MEF2B: variants seen among roughly 807,000 people sequenced by gnomAD.
MEF2B encodes the protein myocyte enhancer factor 2B, also known as myocyte-specific enhancer factor 2B.
MEF2B carries 15 observed loss-of-function variants against 32.2 expected under a neutral mutation model. The ratio of observed to expected loss-of-function variants is 0.47; its 90% confidence interval spans 0.31 to 0.72. MEF2B has a LOEUF of 0.72. Among genes scored for constraint, MEF2B ranks in the 30% least tolerant of loss-of-function variants. The probability of loss-of-function intolerance (pLI) is 0.05; values close to 1 mark genes in which losing one functional copy is unlikely to be tolerated. For missense variants in MEF2B, 441 were observed against 511.5 expected, an observed-to-expected ratio of 0.86 and a Z score of 1.33; for synonymous variants, 205 against 225.6, an observed-to-expected ratio of 0.91 and a Z score of 0.82.
intron 1 of MEF2B, among the ~76,000 whole-genome samples, chr19:19,153,264 G>A (rs142417633): frequency 6.6e-6 from 1 of 152,240 alleles, no homozygotes; most frequent in East Asian, 1.9e-4. Flanking sequence ...TGTGATGGGG[G>A]AGAACTGGGA....
rs1309889788 is a variant in MEF2B, at chr19:19,147,163, G to T, written c.414C>A (p.Pro138=). 1 of 1,582,384 alleles carries T rather than the reference G, an allele frequency of 6.3e-7. No homozygotes were observed. The highest frequency in any genetic ancestry group is 2.3e-5 in the East Asian group (1 of 43,498). Residue 138 remains proline (P), a synonymous_variant, in exon 5 of 9, where the codon CCC becomes CCA. Transcript: ENST00000424583. ...PRLYPAAPAM[P]SPDVVYGALP... is the part of the protein sequence containing the mutation. ...AGGCCCCGTATACCACATCTGGGCT[G>T]GGCATAGCAGGAGCTGCAGGCTGTG... is the stretch of plus-strand genomic sequence containing the variant.
intron 1 of MEF2B, among the ~76,000 whole-genome samples, chr19:19,155,984 G>A (rs906685380): frequency 2.0e-5 from 3 of 152,160 alleles, no homozygotes; most frequent in African/African-American, 7.2e-5. Context: ...AGAAAGAACA[G>A]GAGAAGAAAC....
At chr19:19,147,596 T>C (rs2060038412) in intron 4 of MEF2B, 102 bp downstream of exon 4, 2 of 1,546,288 alleles carry the variant, frequency 1.3e-6, no homozygotes, top group African/African-American at 2.8e-5. Context: ...CTCCAAACTC[T>C]AGGATCCCTG....
rs2060033816 is a variant in MEF2B, at chr19:19,147,112, A to T, written c.465T>A (p.Ser155Arg). 6.2e-7 allele frequency: 1 copy of T among 1,607,872 alleles called. No individual in the cohort carries two copies. Among genetic ancestry groups the T allele is most frequent in the Non-Finnish European group, 8.5e-7 (1 of 1,178,122 alleles). The change falls in exon 5 of 9, where the codon AGT (serine) becomes AGA (arginine). Residue 155 changes from serine (S) to arginine (R), a missense_variant. This residue lies in a region of MEF2B where 326 missense variants were observed against 328.4 expected (regional missense o/e 0.99). Transcript: ENST00000424583. ...GALPPPGCDP[S>R]GLGEALPAQS... ...GGGCGGGCAGTGCTTCCCCAAGCCC[A>T]CTGGGGTCACAGCCTGGTGGCGGTA...
chr19:19,165,103 A>C (rs2060196423), intron 1 of MEF2B, among the ~76,000 whole-genome samples: 1 of 152,016 alleles, frequency 6.6e-6, no homozygotes, highest in South Asian at 2.1e-4. Context: ...TTCCCGCAGA[A>C]ATGTCTAGGA....
chr19:19,167,378 T>C lies in MEF2B; in HGVS notation c.-30+2827A>G, dbSNP rs545863107. ...AAAAAAAAAAAAAAAAAAAATTAGC[T>C]GGGTGTGCTGGTGTGAGCGCGTATT... On this transcript the variant is annotated intron_variant, in intron 1 of 8. Coordinates refer to ENST00000424583, the MANE Select transcript of MEF2B (RefSeq NM_001145785.2). Among the ~76,000 whole-genome samples the C allele has an allele frequency of 4.2e-4, 53 of 126,472 alleles. 2 individuals carry two copies. The South Asian group carries it at 0.012, about 29-fold the overall frequency. 83.0% of individuals were successfully genotyped at this position (126,472 alleles called of 152,430 possible). A position where few individuals can be genotyped will look rare whatever the true frequency, so the allele number is the denominator to read the frequency against.
At chr19:19,162,479 T>G (rs1005982) in intron 1 of MEF2B, among the ~76,000 whole-genome samples, 46,635 of 151,974 alleles carry the variant, frequency 0.31, 7,184 homozygotes, top group Admixed American at 0.36. Context: ...AGGGGTGAAA[T>G]GCAGGCTGGG....
At chr19:19,151,479 C>T (rs1286035061) in intron 1 of MEF2B, among the ~76,000 whole-genome samples, 1 of 152,060 alleles carries the variant, frequency 6.6e-6, no homozygotes, top group Non-Finnish European at 1.5e-5. Context: ...AGGCCTTCCC[C>T]AGAGACCCCC....
At chr19:19,158,374 TG>T (rs371627536) in intron 1 of MEF2B, among the ~76,000 whole-genome samples, 141,578 of 146,034 alleles carry the variant, frequency 0.97, 68,564 homozygotes, top group African/African-American at 0.99. Flanking sequence ...GGCGTGAGCA[TG>T]GGCGCCCCCG....
intron 3 of MEF2B, 45 bp from the exon 4 acceptor site, chr19:19,147,877 AC>A: frequency 6.3e-7 from 1 of 1,578,668 alleles, no homozygotes. Context: ...CCCCTACCCC[AC>A]CCAGGGAACC....
At chr19:19,149,060 A>C (rs1363956605) in intron 3 of MEF2B, among the ~76,000 whole-genome samples, 166 bp downstream of exon 3, 1 of 150,542 alleles carries the variant, frequency 6.6e-6, no homozygotes, top group Non-Finnish European at 1.5e-5. Context: ...CCACTCCCAA[A>C]TGTTTGGATG....
intron 2 of MEF2B, among the ~76,000 whole-genome samples, chr19:19,150,180 GAGGGAAGGA>G (rs2060063306): frequency 9.1e-6 from 1 of 110,282 alleles, no homozygotes; most frequent in African/African-American, 3.7e-5. Context: ...AGGAGGGAGG[GAGGGAAGGA>G]AGGAAGGAAG....
In MEF2B at chr19:19,146,305, A is replaced by G. The variant is rs1043619674; in HGVS notation, c.849T>C (p.Gly283=). The G allele has an allele frequency of 8.1e-6, 10 of 1,230,272 alleles. No individual in the cohort carries two copies. Among genetic ancestry groups the G allele is most frequent in the Non-Finnish European group, 1.0e-5 (10 of 978,362 alleles). The allele number at this position is 1,230,272 out of a possible 1,614,324, so 76.2% of individuals were successfully genotyped here. A position where few individuals can be genotyped will look rare whatever the true frequency, so the allele number is the denominator to read the frequency against. ...PTLAPWQPSR[G]DGPPAVSSQP... is the part of the protein sequence containing the mutation. ...GGGAGGACACGGCGGGGGGCCCATC[A>G]CCCCTCGAGGGCTGCCAGGGGGCCA... Residue 283 remains glycine (G), a synonymous_variant, in exon 8 of 9, where the codon GGT becomes GGC. Coordinates refer to ENST00000424583, the MANE Select transcript of MEF2B (RefSeq NM_001145785.2).
rs201968712 is a variant in MEF2B, at chr19:19,153,390, G to A, written c.-29-2626C>T. Among the ~76,000 whole-genome samples the A allele has an allele frequency of 5.3e-5, 8 of 152,180 alleles. No individual in the cohort carries two copies. In the East Asian group the frequency reaches 7.7e-4, roughly 15 times the overall value. On this transcript the variant is annotated intron_variant, in intron 1 of 8. Coordinates refer to ENST00000424583, the MANE Select transcript of MEF2B (RefSeq NM_001145785.2). Reference sequence around the variant, plus strand: ...CAAGAAACAGCGGGAGGGTGGGGATGAGGCCACAGAGGTTGGGCCATTCTA... The same window carrying A: ...CAAGAAACAGCGGGAGGGTGGGGATAAGGCCACAGAGGTTGGGCCATTCTA...
At chr19:19,150,839 CTCTG>C in intron 1 of MEF2B, 75 bp from the exon 2 acceptor site, 6 of 1,541,928 alleles carry the variant, frequency 3.9e-6, no homozygotes, top group Non-Finnish European at 5.3e-6. Flanking sequence ...CACACCTCTC[CTCTG>C]TCTGCCCCTG....
At chr19:19,153,259 TG>T (rs886565242) in intron 1 of MEF2B, among the ~76,000 whole-genome samples, 15 of 151,976 alleles carry the variant, frequency 9.9e-5, no homozygotes, top group African/African-American at 3.6e-4. Flanking sequence ...GGTCATGTGA[TG>T]GGGGAGAACT....
intron 2 of MEF2B, 144 bp from the exon 3 acceptor site, chr19:19,149,573 C>T: frequency 8.6e-7 from 1 of 1,161,736 alleles, no homozygotes; most frequent in Admixed American, 2.4e-5. Context: ...ATGTCACAAC[C>T]TGGCAAACTC....
At chr19:19,147,633 C>A in intron 4 of MEF2B, 65 bp downstream of exon 4, 1 of 1,584,750 alleles carries the variant, frequency 6.3e-7, no homozygotes, top group Non-Finnish European at 8.6e-7. Flanking sequence ...TCAGTACCAG[C>A]CTCAACGACT....
Position 19,150,708 on chromosome 19 carries a change from G to T in MEF2B, c.28C>A (p.Arg10Ser). 6.2e-7 allele frequency: 1 copy of T among 1,614,072 alleles called. No homozygotes were observed. The change falls in exon 2 of 9, where the codon CGC becomes AGC. Residue 10 changes from arginine to serine, a missense_variant. Arg to Ser is a moderately radical substitution (Grantham distance 110). Coordinates refer to ENST00000424583, the MANE Select transcript of MEF2B (RefSeq NM_001145785.2). MGRKKIQIS[R>S]ILDQRNRQVT... ...TGCCGATTCCTTTGGTCCAGGATGC[G>T]GGAGATCTGGATTTTTTTCCTCCCC...
Sources: allele counts gnomAD v4.1 joint callset (sites outside exome capture counted in the v4.1 genomes callset), GRCh38; gene constraint gnomAD v4.1.1; regional missense constraint gnomAD v4.1.1; transcripts MANE v1.5; gene names NCBI Gene and HGNC (gene_info 2026-07-23, HGNC 2026-07-21).